ANKS1A: variants seen among roughly 807,000 people sequenced by gnomAD.
ANKS1A encodes ankyrin repeat and sterile alpha motif domain containing 1A.
In ANKS1A, 55 loss-of-function variants were observed where a neutral mutation model predicts 120.3. The observed-to-expected ratio is 0.46, with a 90% CI of 0.37 to 0.57. The LOEUF is 0.57. Ranked by LOEUF, ANKS1A falls within the 20% of genes least tolerant of loss-of-function variation. The pLI is 0.00. For missense variants in ANKS1A, 1,123 were observed against 1,480.3 expected (o/e 0.76, Z 3.96); for synonymous variants, 590 against 604.7 (o/e 0.98, Z 0.36).
chr6:34,945,649 T>C (rs1769754193), intron 1 of ANKS1A, among the ~76,000 whole-genome samples: 2 of 152,224 alleles, frequency 1.3e-5, no homozygotes, highest in African/African-American at 4.8e-5. Context: ...CCTCATCTTT[T>C]ATTGTGCATT....
intron 1 of ANKS1A, among the ~76,000 whole-genome samples, chr6:34,890,467 G>T (rs946261015): frequency 2.0e-5 from 3 of 152,202 alleles, no homozygotes; most frequent in African/African-American, 7.2e-5. Context: ...TCTTGTGCTT[G>T]AAGTTCAAAT....
intron 1 of ANKS1A, among the ~76,000 whole-genome samples, chr6:34,940,987 C>CT (rs1270674019): frequency 6.4e-4 from 97 of 152,080 alleles, no homozygotes; most frequent in African/African-American, 2.3e-3. Flanking sequence ...ATTTCTACCT[C>CT]TAAAAAAAAT....
At chr6:34,989,390 A>G in intron 9 of ANKS1A, 74 bp downstream of exon 9, 1 of 1,389,486 alleles carries the variant, frequency 7.2e-7, no homozygotes, top group Non-Finnish European at 1.0e-6. Context: ...TGTGCTTTAA[A>G]AGACTTTGCT....
intron 13 of ANKS1A, among the ~76,000 whole-genome samples, chr6:35,073,087 G>A (rs116793157): frequency 0.034 from 5,223 of 152,254 alleles, 167 homozygotes; most frequent in African/African-American, 0.09. Flanking sequence ...TTTATTGGGC[G>A]GATTTTTGCA....
chr6:34,930,573 G>A (rs1561854307), intron 1 of ANKS1A, among the ~76,000 whole-genome samples: 1 of 152,178 alleles, frequency 6.6e-6, no homozygotes, highest in South Asian at 2.1e-4. Context: ...AGGGTTGAGC[G>A]AGATGTCCTC....
chr6:34,985,930 T>G (rs1772177232), intron 8 of ANKS1A, among the ~76,000 whole-genome samples: 1 of 152,236 alleles, frequency 6.6e-6, no homozygotes, highest in Non-Finnish European at 1.5e-5. Context: ...GCTCCTTGAC[T>G]TACAGTGGGA....
chr6:34,936,794 G>A (rs1225662712), intron 1 of ANKS1A, among the ~76,000 whole-genome samples: 5 of 152,018 alleles, frequency 3.3e-5, no homozygotes, highest in South Asian at 2.1e-4. Flanking sequence ...TATATTCCCC[G>A]TGACACCTAG....
intron 11 of ANKS1A, among the ~76,000 whole-genome samples, chr6:35,043,478 C>T (rs1288215574): frequency 3.3e-5 from 5 of 152,172 alleles, no homozygotes; most frequent in Non-Finnish European, 7.4e-5. Flanking sequence ...GGTTCTGTGT[C>T]TCTGGGAGTT....
intron 10 of ANKS1A, among the ~76,000 whole-genome samples, chr6:34,994,799 G>A (rs930756561): frequency 2.0e-5 from 3 of 152,126 alleles, no homozygotes; most frequent in Non-Finnish European, 1.5e-5. Context: ...TCAGGCTGAC[G>A]GCACAGACTC....
At chr6:35,064,279 A>G (rs555813853) in intron 13 of ANKS1A, among the ~76,000 whole-genome samples, 2 of 152,322 alleles carry the variant, frequency 1.3e-5, no homozygotes, top group Admixed American at 6.5e-5. Flanking sequence ...GCAGTGGACA[A>G]ATGGAAGATG....
In ANKS1A at chr6:35,068,397, C is replaced by T. The variant is rs117631085; in HGVS notation, c.2184+8144C>T. On this transcript the variant is annotated intron_variant, in intron 13 of 23. Coordinates refer to ENST00000360359, the MANE Select transcript of ANKS1A (RefSeq NM_015245.3). ...CAGGCAGGGAAGAGGGCAGGGCCAG[C>T]CATGCCTCCCACATCTGCCCGGGGT... Among the ~76,000 whole-genome samples the T allele has an allele frequency of 3.2e-4, 48 of 152,216 alleles. No homozygotes were observed. In the East Asian group the frequency reaches 8.7e-3, roughly 28 times the overall value.
intron 1 of ANKS1A, among the ~76,000 whole-genome samples, chr6:34,963,748 G>T (rs948924703): frequency 6.6e-6 from 1 of 152,150 alleles, no homozygotes; most frequent in Non-Finnish European, 1.5e-5. Context: ...AGTGTGCAAG[G>T]TGCTCTTTTC....
intron 1 of ANKS1A, 93 bp from the exon 2 acceptor site, chr6:34,967,146 G>A: frequency 8.7e-6 from 11 of 1,270,326 alleles, no homozygotes; most frequent in Non-Finnish European, 1.2e-5. Flanking sequence ...ACACCACACA[G>A]AAATCTTTAC....
chr6:34,913,772 A>G (rs1768016850), intron 1 of ANKS1A, among the ~76,000 whole-genome samples: 1 of 151,890 alleles, frequency 6.6e-6, no homozygotes, highest in African/African-American at 2.4e-5. Context: ...AACTGGGACT[A>G]TAGGCGTGCA....
intron 13 of ANKS1A, among the ~76,000 whole-genome samples, chr6:35,061,975 A>C (rs896220827): frequency 6.6e-6 from 1 of 152,168 alleles, no homozygotes; most frequent in Non-Finnish European, 1.5e-5. Flanking sequence ...CTAGAGGCTG[A>C]GCTGTTGCTT....
At chr6:34,947,568 T>C (rs996549535) in intron 1 of ANKS1A, among the ~76,000 whole-genome samples, 1 of 152,238 alleles carries the variant, frequency 6.6e-6, no homozygotes, top group Non-Finnish European at 1.5e-5. Context: ...AGGACTTTCC[T>C]CTTGTTCTGT....
At chr6:35,009,427 G>T (rs1402480588) in intron 10 of ANKS1A, among the ~76,000 whole-genome samples, 1 of 151,912 alleles carries the variant, frequency 6.6e-6, no homozygotes, top group East Asian at 1.9e-4. Context: ...GAGGGAGGGG[G>T]CATGTTTGAG....
chr6:34,894,014 G>A (rs1766950655), intron 1 of ANKS1A, among the ~76,000 whole-genome samples: 1 of 152,186 alleles, frequency 6.6e-6, no homozygotes, highest in Non-Finnish European at 1.5e-5. Flanking sequence ...AGAAAGCACA[G>A]TTATCCAGAA....
chr6:35,067,505 A>G (rs1581727622), intron 13 of ANKS1A, among the ~76,000 whole-genome samples: 2 of 152,332 alleles, frequency 1.3e-5, no homozygotes, highest in South Asian at 2.1e-4. Context: ...CCGAGTGCCC[A>G]GTGGCAGGGT....
Sources: gnomAD v4.1 joint callset for allele counts (sites outside exome capture counted in the v4.1 genomes callset) on GRCh38, gnomAD v4.1.1 for gene constraint, MANE v1.5 for transcripts, NCBI Gene and HGNC (gene_info 2026-07-23, HGNC 2026-07-21) for gene names.